DUS4L: variants seen among roughly 807,000 people sequenced by gnomAD.
The protein encoded by DUS4L is tRNA-dihydrouridine(20a/20b) synthase [NAD(P)+]-like.
In DUS4L, 31 loss-of-function variants were observed where a neutral mutation model predicts 33.8. The ratio of observed to expected loss-of-function variants is 0.92; its 90% CI spans 0.69 to 1.24. The LOEUF (loss-of-function observed/expected upper bound fraction) is 1.24. Ranked by LOEUF, DUS4L falls within the 50% of genes most tolerant of loss-of-function variation. The probability of loss-of-function intolerance (pLI) is 0.00; values close to 1 mark genes in which losing one functional copy is unlikely to be tolerated. For synonymous variants in DUS4L, 103 were observed against 120.3 expected, an observed-to-expected ratio of 0.86 and a Z score of 0.94; for missense variants, 368 against 388.6, an observed-to-expected ratio of 0.95 and a Z score of 0.45.
rs1805622396 is a variant in DUS4L, at chr7:107,575,218, C to G, written c.387C>G (p.Cys129Trp). Residue 129 changes from cysteine to tryptophan, a missense_variant, in exon 6 of 8, where the codon TGC becomes TGG. Transcript: ENST00000265720. The stretch of plus-strand genomic sequence containing the variant: ...CAATGGCAGAAGGTTATGGGGCTTG[C>G]TTAATAAACAAGCCAGAGCTTGTTC... The part of the protein sequence containing the change: ...RWAMAEGYGA[C>W]LINKPELVQD... The G allele has an allele frequency of 6.2e-7, 1 of 1,608,736 alleles. No individual in the cohort carries two copies. Among genetic ancestry groups the G allele is most frequent in the African/African-American group, 1.3e-5 (1 of 74,426 alleles).
intron 4 of DUS4L, among the ~76,000 whole-genome samples, chr7:107,571,533 C>T (rs2129193017): frequency 6.6e-6 from 1 of 152,262 alleles, no homozygotes; most frequent in South Asian, 2.1e-4. Flanking sequence ...TAGTCTTGTA[C>T]CATTCCAAAC....
chr7:107,575,312 T>G lies in DUS4L; in HGVS notation c.479+2T>G. The G allele has an allele frequency of 3.7e-6, 6 of 1,609,070 alleles. No individual in the cohort carries two copies. Among genetic ancestry groups the G allele is most frequent in the Non-Finnish European group, 5.1e-6 (6 of 1,178,430 alleles). On this transcript the variant is annotated splice_donor_variant, in intron 6 of 7. Coordinates refer to ENST00000265720, the MANE Select transcript of DUS4L (RefSeq NM_181581.3). LOFTEE classifies it high-confidence loss of function. Reference sequence around the variant, plus strand: ...ATTTTCAGTTTCTATTAAAATAAGGTAAAGACAATATTTCAATCTATTGAT... The same window carrying G: ...ATTTTCAGTTTCTATTAAAATAAGGGAAAGACAATATTTCAATCTATTGAT...
intron 2 of DUS4L, among the ~76,000 whole-genome samples, chr7:107,566,118 G>C (rs1377524631): frequency 6.6e-6 from 1 of 152,072 alleles, no homozygotes; most frequent in African/African-American, 2.4e-5. Context: ...AAATATTGGT[G>C]CTTCCAGCGG....
At position 107,567,111 on chromosome 7, in the gene DUS4L, G is replaced by GA. The variant is rs1210343017; in HGVS notation, c.48dup (p.Asp17ArgfsTer27). 1 of 1,613,368 alleles carries GA rather than the reference G, an allele frequency of 6.2e-7. No individual in the cohort carries two copies. Among genetic ancestry groups the GA allele is most frequent in the African/African-American group, 1.3e-5 (1 of 74,978 alleles). ...ATGCAAACGACAATATGTCAGGAAA[G>GA]AAAAAAAGATCCCATAGAAATGTTT... On this transcript the variant is annotated frameshift_variant, in exon 3 of 8. Transcript: ENST00000265720. LOFTEE classifies it high-confidence loss of function.
At chr7:107,573,269 C>T (rs964679806) in intron 4 of DUS4L, among the ~76,000 whole-genome samples, 1 of 152,122 alleles carries the variant, frequency 6.6e-6, no homozygotes, top group African/African-American at 2.4e-5. Context: ...ATGGTCCATC[C>T]GTACAGCGGA....
At chr7:107,572,574 A>G (rs1805346939) in intron 4 of DUS4L, among the ~76,000 whole-genome samples, 1 of 152,140 alleles carries the variant, frequency 6.6e-6, no homozygotes, top group African/African-American at 2.4e-5. Context: ...TTTGGGCCAG[A>G]GGCGGTGGCT....
chr7:107,569,834 C>A (rs1024749399), intron 3 of DUS4L, among the ~76,000 whole-genome samples: 2 of 152,186 alleles, frequency 1.3e-5, no homozygotes, highest in Admixed American at 1.3e-4. Flanking sequence ...TCTATATGAA[C>A]AACCATGTCA....
At chr7:107,568,039 T>C (rs1028825737) in intron 3 of DUS4L, among the ~76,000 whole-genome samples, 1 of 152,236 alleles carries the variant, frequency 6.6e-6, no homozygotes, top group African/African-American at 2.4e-5. Flanking sequence ...CATCTGTTGA[T>C]ATCCATTCAT....
intron 4 of DUS4L, among the ~76,000 whole-genome samples, 175 bp downstream of exon 4, chr7:107,571,441 T>C (rs1805225061): frequency 1.3e-5 from 2 of 152,324 alleles, no homozygotes; most frequent in South Asian, 4.2e-4. Flanking sequence ...AAACTATCAG[T>C]GTATATACCA....
chr7:107,573,667 C>T (rs1389912315), intron 4 of DUS4L, 37 bp from the exon 5 acceptor site: 21 of 1,585,448 alleles, frequency 1.3e-5, no homozygotes, highest in Non-Finnish European at 1.8e-5. Context: ...GGGGTTTTTT[C>T]CTGTGAATTT....
At position 107,567,164 on chromosome 7, in the gene DUS4L, G is replaced by T; in HGVS notation, c.94G>T (p.Ala32Ser). The change falls in exon 3 of 8, where the codon GCC (alanine) becomes TCC (serine). Residue 32 changes from alanine (A) to serine (S), a missense_variant. By Grantham distance (99) the Ala-to-Ser change is moderately conservative. Transcript: ENST00000265720. ...TTCTGGACAGCTGGTAAAAGTCTGT[G>T]CCCCAATGGTTCGATATTCAAAGTA... ...FHSGQLVKVC[A>S]PMVRYSKLAF... 6.2e-7 allele frequency: 1 copy of T among 1,613,082 alleles called. No individual in the cohort carries two copies. Among genetic ancestry groups the T allele is most frequent in the Non-Finnish European group, 8.5e-7 (1 of 1,179,470 alleles).
intron 3 of DUS4L, chr7:107,570,889 T>C (rs1584991924): frequency 5.6e-6 from 2 of 358,346 alleles, no homozygotes; most frequent in Admixed American, 9.3e-5. Flanking sequence ...CCCAGAGAAC[T>C]CACCACCCTG....
At chr7:107,575,915 G>C (rs552992144) in intron 6 of DUS4L, among the ~76,000 whole-genome samples, 6 of 152,280 alleles carry the variant, frequency 3.9e-5, no homozygotes, top group Non-Finnish European at 8.8e-5. Flanking sequence ...CCAGTCCTGA[G>C]CTCCTGGCCT....
intron 3 of DUS4L, chr7:107,570,109 A>G (rs1047844293): frequency 6.6e-6 from 1 of 151,846 alleles, no homozygotes; most frequent in Non-Finnish European, 1.5e-5. Context: ...GTATTTTGTC[A>G]AATGCCTTTT....
At position 107,564,052 on chromosome 7, in the gene DUS4L, C is replaced by G. The variant is rs112333841; in HGVS notation, c.-268C>G. 266 of 1,512,050 alleles carry G rather than the reference C, an allele frequency of 1.8e-4. 1 individual carries two copies. In the African/African-American group the frequency reaches 2.9e-3, roughly 17 times the overall value. The allele number at this position is 1,512,050 out of a possible 1,614,324, so 93.7% of individuals were successfully genotyped here. A position where few individuals can be genotyped will look rare whatever the true frequency, so the allele number is the denominator to read the frequency against. On this transcript the variant is annotated 5_prime_UTR_variant, in exon 1 of 8. Transcript: ENST00000265720. The stretch of plus-strand genomic sequence containing the variant: ...CGCCTGGGCTAAGCCTGGCTAGGAG[C>G]CGCGCAGGTACTCGAGCAGTGGGCG...
chr7:107,567,765 T>G, intron 3 of DUS4L: 1 of 452,900 alleles, frequency 2.2e-6, no homozygotes, highest in Non-Finnish European at 4.4e-6. Flanking sequence ...AAGATGGAAA[T>G]TCTATCACAT....
intron 4 of DUS4L, among the ~76,000 whole-genome samples, chr7:107,572,842 C>CA (rs769843752): frequency 0.069 from 7,301 of 106,252 alleles, 566 homozygotes; most frequent in African/African-American, 0.22. Context: ...GACTCTGTCT[C>CA]AAAAAAAAAA....
chr7:107,567,270 AC>A, intron 3 of DUS4L, 84 bp downstream of exon 3: 7 of 1,102,020 alleles, frequency 6.4e-6, no homozygotes, highest in Non-Finnish European at 9.3e-6. Flanking sequence ...AAGACCACCC[AC>A]CATATGGGAA....
In DUS4L at chr7:107,575,318, CAA is replaced by C. The variant is rs1805629275; in HGVS notation, c.479+9_479+10del. On this transcript the variant is annotated intron_variant, in intron 6 of 7. Transcript: ENST00000265720. ...AGTTTCTATTAAAATAAGGTAAAGACAATATTTCAATCTATTGATAGGATAAT... is the reference window on the plus strand; with the variant it reads ...AGTTTCTATTAAAATAAGGTAAAGACTATTTCAATCTATTGATAGGATAAT... 2 of 1,607,218 alleles carry C rather than the reference CAA, an allele frequency of 1.2e-6. No homozygotes were observed. The highest frequency in any genetic ancestry group is 1.7e-6 in the Non-Finnish European group (2 of 1,177,436).
Sources: gnomAD v4.1 joint callset for allele counts (sites outside exome capture counted in the v4.1 genomes callset) on GRCh38, gnomAD v4.1.1 for gene constraint, MANE v1.5 for transcripts, NCBI Gene and HGNC (gene_info 2026-07-23, HGNC 2026-07-21) for gene names.